Variants in OSBPL9 observed in about 807,000 individuals in gnomAD.
OSBPL9 encodes the protein oxysterol binding protein like 9.
A neutral mutation model predicts 106.6 loss-of-function variants in OSBPL9; 40 were observed. That is an observed-to-expected ratio of 0.38 (90% CI 0.29 to 0.49). The LOEUF (loss-of-function observed/expected upper bound fraction) is 0.49, where lower values mean the gene tolerates loss of function less well. Ranked by LOEUF, OSBPL9 falls within the 20% of genes least tolerant of loss-of-function variation. The pLI, the probability that OSBPL9 is intolerant of heterozygous loss-of-function variation, is 0.97. For synonymous variants in OSBPL9, 269 were observed against 295.4 expected, an observed-to-expected ratio of 0.91 and a Z score of 0.92; for missense variants, 609 against 887.2, an observed-to-expected ratio of 0.69 and a Z score of 3.98.
intron 2 of OSBPL9, among the ~76,000 whole-genome samples, chr1:51,652,485 A>G (rs539693545): frequency 6.6e-6 from 1 of 152,374 alleles, no homozygotes; most frequent in African/African-American, 2.4e-5. Context: ...AGCCACATCT[A>G]TAATTTAAGA....
At position 51,787,890 on chromosome 1, in the gene OSBPL9, A is replaced by G. The variant is rs901882519; in HGVS notation, c.*101A>G. The G allele has an allele frequency of 3.8e-6, 4 of 1,053,510 alleles. No homozygotes were observed. The African/African-American group carries it at 6.3e-5, about 17-fold the overall frequency. The allele number at this position is 1,053,510 out of a possible 1,614,324, so 65.3% of individuals were successfully genotyped here. A position where few individuals can be genotyped will look rare whatever the true frequency, so the allele number is the denominator to read the frequency against. ...AGAAACCTGTTCATTCCAATCTTCT[A>G]ATTACAGTGGTTCCTATCTCAGGGA... On this transcript the variant is annotated 3_prime_UTR_variant, in exon 24 of 24. Coordinates refer to ENST00000428468, the MANE Select transcript of OSBPL9 (RefSeq NM_024586.6).
At chr1:51,697,402 A>G (rs977119038) in intron 3 of OSBPL9, among the ~76,000 whole-genome samples, 1 of 139,566 alleles carries the variant, frequency 7.2e-6, no homozygotes, top group Non-Finnish European at 1.5e-5. Context: ...TAATGTTTTT[A>G]TTTCACAATA....
chr1:51,680,323 C>G, intron 3 of OSBPL9, among the ~76,000 whole-genome samples: 1 of 151,924 alleles, frequency 6.6e-6, no homozygotes, highest in South Asian at 2.1e-4. Flanking sequence ...AGTATTATGT[C>G]ATGATCCTTT....
In OSBPL9 at chr1:51,750,237, C is replaced by A; in HGVS notation, c.543+42C>A. On this transcript the variant is annotated intron_variant, in intron 8 of 23. Coordinates refer to ENST00000428468, the MANE Select transcript of OSBPL9 (RefSeq NM_024586.6). ...TTCAATTACCTTTGTGTATGGAGTT[C>A]AAAAATTATAATGGCGTTTTTCTTT... 2.8e-6 allele frequency: 4 copies of A among 1,453,780 alleles called. No homozygotes were observed. The South Asian group carries it at 3.7e-5, about 14-fold the overall frequency. The allele number at this position is 1,453,780 out of a possible 1,614,324, so 90.1% of individuals were successfully genotyped here. A position where few individuals can be genotyped will look rare whatever the true frequency, so the allele number is the denominator to read the frequency against.
At chr1:51,617,755 G>A (rs1258883190) in intron 1 of OSBPL9, among the ~76,000 whole-genome samples, 6 of 152,122 alleles carry the variant, frequency 3.9e-5, no homozygotes, top group Non-Finnish European at 7.4e-5. Flanking sequence ...CCCTCCAGTC[G>A]GTTCAGGTTG....
At chr1:51,651,497 G>C (rs1466076546) in intron 1 of OSBPL9, among the ~76,000 whole-genome samples, 2 of 152,102 alleles carry the variant, frequency 1.3e-5, no homozygotes, top group East Asian at 3.9e-4. Flanking sequence ...CAGCTACTCT[G>C]GAGGCTGAGG....
chr1:51,605,983 AAG>A (rs1160015759), intron 2 of OSBPL9, among the ~76,000 whole-genome samples: 1 of 147,018 alleles, frequency 6.8e-6, no homozygotes, highest in Non-Finnish European at 1.5e-5. Context: ...GAAACAAAGA[AAG>A]AGAGCGAGAG....
At chr1:51,545,801 C>T in the OSBPL9 span, among the ~76,000 whole-genome samples, 1 of 152,008 alleles carries the variant, frequency 6.6e-6, no homozygotes, top group African/African-American at 2.4e-5. Flanking sequence ...TCAAGAGATG[C>T]TTAATTATAG....
At chr1:51,781,520 G>A (rs1454417764) in intron 16 of OSBPL9, 185 bp downstream of exon 16, 4 of 571,846 alleles carry the variant, frequency 7.0e-6, no homozygotes, top group Non-Finnish European at 6.1e-6. Flanking sequence ...GATGAGATGA[G>A]GATGGGGATG....
the OSBPL9 span, among the ~76,000 whole-genome samples, chr1:51,530,173 AAAAAAAAAAAAAAAAAAAAC>A: frequency 1.3e-3 from 135 of 102,112 alleles, 1 homozygote; most frequent in Non-Finnish European, 1.7e-3. Flanking sequence ...TCTGTCTCAA[AAAAAAAAAAAAAAAAAAAAC>A]AAAAAAAAAA....
At chr1:51,759,066 C>T (rs577100456) in intron 9 of OSBPL9, among the ~76,000 whole-genome samples, 1 of 151,450 alleles carries the variant, frequency 6.6e-6, no homozygotes, top group South Asian at 2.1e-4. Flanking sequence ...TGTTTCTTTG[C>T]TTTTCTCAGT....
chr1:51,751,060 A>G (rs1167380000), intron 8 of OSBPL9, among the ~76,000 whole-genome samples: 2 of 152,116 alleles, frequency 1.3e-5, no homozygotes, highest in Admixed American at 6.6e-5. Flanking sequence ...AAATGGGGCA[A>G]TGTCATTTTC....
At chr1:51,738,420 T>G (rs1666181541) in intron 4 of OSBPL9, among the ~76,000 whole-genome samples, 1 of 152,044 alleles carries the variant, frequency 6.6e-6, no homozygotes, top group Non-Finnish European at 1.5e-5. Flanking sequence ...GCAATTCTGG[T>G]TTTTCAAAGC....
At chr1:51,699,251 T>C (rs1656724093) in intron 3 of OSBPL9, among the ~76,000 whole-genome samples, 1 of 152,190 alleles carries the variant, frequency 6.6e-6, no homozygotes, top group African/African-American at 2.4e-5. Flanking sequence ...TTCCCTCTTT[T>C]TTTGTATAGT....
At chr1:51,670,155 G>A in intron 3 of OSBPL9, among the ~76,000 whole-genome samples, 1 of 152,118 alleles carries the variant, frequency 6.6e-6, no homozygotes, top group East Asian at 1.9e-4. Flanking sequence ...ATTTCATTTT[G>A]CTTTGAAAAC....
intron 9 of OSBPL9, 57 bp downstream of exon 9, chr1:51,756,415 T>G (rs1348831385): frequency 6.5e-7 from 1 of 1,527,724 alleles, no homozygotes; most frequent in Non-Finnish European, 9.0e-7. Context: ...TTATAACCAG[T>G]CATATCAGGA....
chr1:51,772,361 A>C (rs537733591), intron 13 of OSBPL9, among the ~76,000 whole-genome samples, 179 bp downstream of exon 13: 4 of 152,264 alleles, frequency 2.6e-5, no homozygotes, highest in African/African-American at 9.6e-5. Flanking sequence ...AAAAAATACA[A>C]AAAATTAGCT....
chr1:51,542,738 A>T, the OSBPL9 span, among the ~76,000 whole-genome samples: 1 of 152,218 alleles, frequency 6.6e-6, no homozygotes, highest in Non-Finnish European at 1.5e-5. Context: ...AAACTAGGTC[A>T]CTGGACCAAA....
At chr1:51,727,772 A>G (rs1389832621) in intron 4 of OSBPL9, among the ~76,000 whole-genome samples, 2 of 152,186 alleles carry the variant, frequency 1.3e-5, no homozygotes, top group African/African-American at 4.8e-5. Flanking sequence ...CTGAGGCAGG[A>G]AGATCACTTG....
Sources: allele counts gnomAD v4.1 joint callset (sites outside exome capture counted in the v4.1 genomes callset), GRCh38; gene constraint gnomAD v4.1.1; transcripts MANE v1.5; gene names NCBI Gene and HGNC (gene_info 2026-07-23, HGNC 2026-07-21).